Variants in DLGAP2 observed in about 807,000 individuals in gnomAD.
The protein encoded by DLGAP2 is DLG associated protein 2, also known as disks large-associated protein 2.
In DLGAP2, 26 loss-of-function variants were observed where a neutral mutation model predicts 100.3. That is an observed-to-expected ratio of 0.26 (90% CI 0.19 to 0.36). The LOEUF (loss-of-function observed/expected upper bound fraction) is 0.36. DLGAP2 is among the 10% of genes least tolerant of loss of function. The pLI is 1.00. For synonymous variants in DLGAP2, 886 were observed against 630.1 expected (o/e 1.41, Z -6.08); for missense variants, 1,858 against 1,453.2 (o/e 1.28, Z -4.53).
At chr8:1,023,857 A>ATGTGTGTGTGTGTGTGTG (rs149206104) in intron 2 of DLGAP2, among the ~76,000 whole-genome samples, 5,112 of 128,786 alleles carry the variant, frequency 0.04, 235 homozygotes, top group Admixed American at 0.057. Context: ...AACTTTATAT[A>ATGTGTGTGTGTGTGTGTG]TGTGTGTGTG....
intron 4 of DLGAP2, among the ~76,000 whole-genome samples, chr8:1,534,142 T>C (rs960232332): frequency 1.3e-5 from 2 of 152,110 alleles, no homozygotes; most frequent in Non-Finnish European, 2.9e-5. Flanking sequence ...GTATAAAAGG[T>C]AAAAGAGAAA....
At chr8:1,462,193 A>G (rs1187206923) in intron 3 of DLGAP2, among the ~76,000 whole-genome samples, 430 of 25,426 alleles carry the variant, frequency 0.017, no homozygotes, top group East Asian at 0.034. Flanking sequence ...GGGTGCAGTC[A>G]CTGATTTGGT....
intron 3 of DLGAP2, among the ~76,000 whole-genome samples, chr8:1,355,474 C>A (rs141388648): frequency 2.6e-5 from 4 of 152,036 alleles, no homozygotes; most frequent in Non-Finnish European, 5.9e-5. Flanking sequence ...AAGCGATTCT[C>A]CTGCCTCAAC....
At chr8:993,926 G>T (rs548816610) in intron 2 of DLGAP2, among the ~76,000 whole-genome samples, 1 of 151,524 alleles carries the variant, frequency 6.6e-6, no homozygotes. Context: ...AGCAGATCCC[G>T]GCTGGTAATT....
chr8:1,643,455 G>C (rs398102350), intron 8 of DLGAP2, among the ~76,000 whole-genome samples: 17 of 15,584 alleles, frequency 1.1e-3, no homozygotes, highest in African/African-American at 3.8e-3. Flanking sequence ...GTGTCACCCT[G>C]GAACCCGCCG....
intron 2 of DLGAP2, among the ~76,000 whole-genome samples, chr8:1,101,789 C>T (rs868634080): frequency 0.013 from 325 of 24,370 alleles, no homozygotes; most frequent in Non-Finnish European, 0.021. Flanking sequence ...GGAAGGTCCT[C>T]GTCACCCCTG....
intron 7 of DLGAP2, among the ~76,000 whole-genome samples, chr8:1,628,644 G>C (rs111834511): frequency 1.5e-4 from 18 of 123,342 alleles, no homozygotes; most frequent in African/African-American, 4.5e-4. Context: ...CTCACATTCT[G>C]TCTGACTTAC....
At chr8:777,224 T>C (rs1460535231) in intron 1 of DLGAP2, among the ~76,000 whole-genome samples, 5 of 151,436 alleles carry the variant, frequency 3.3e-5, no homozygotes, top group African/African-American at 1.2e-4. Flanking sequence ...TCCATCCTTT[T>C]ATTTTGAGCC....
chr8:1,574,359 G>A (rs766469288), intron 6 of DLGAP2, among the ~76,000 whole-genome samples: 2 of 152,040 alleles, frequency 1.3e-5, no homozygotes, highest in Non-Finnish European at 2.9e-5. Flanking sequence ...AGCCCTCGCC[G>A]CTCTGGTAAC....
At chr8:1,371,840 C>G (rs912844654) in intron 3 of DLGAP2, among the ~76,000 whole-genome samples, 1 of 152,168 alleles carries the variant, frequency 6.6e-6, no homozygotes, top group Non-Finnish European at 1.5e-5. Context: ...CTTGACTATT[C>G]TGCATTTCAG....
intron 1 of DLGAP2, among the ~76,000 whole-genome samples, chr8:815,336 C>G (rs762443880): frequency 2.0e-5 from 3 of 152,132 alleles, no homozygotes; most frequent in African/African-American, 7.2e-5. Context: ...TTCCCTCAAG[C>G]CTTTTTAGGA....
intron 1 of DLGAP2, among the ~76,000 whole-genome samples, chr8:740,870 G>A (rs1387501570): frequency 6.6e-6 from 1 of 152,096 alleles, no homozygotes; most frequent in Non-Finnish European, 1.5e-5. Flanking sequence ...TGACCCTCAG[G>A]ATGGATGCTC....
At chr8:1,123,178 C>A (rs530095147) in intron 2 of DLGAP2, among the ~76,000 whole-genome samples, 2 of 152,250 alleles carry the variant, frequency 1.3e-5, no homozygotes, top group South Asian at 4.1e-4. Flanking sequence ...AATTATGAAC[C>A]AAAAGGCTTC....
intron 2 of DLGAP2, among the ~76,000 whole-genome samples, chr8:1,171,942 A>T (rs1162899428): frequency 6.6e-6 from 1 of 151,852 alleles, no homozygotes; most frequent in African/African-American, 2.4e-5. Context: ...TTAGCTGTTT[A>T]TTTTGCTCGT....
At chr8:1,119,735 G>A (rs1329313800) in intron 2 of DLGAP2, among the ~76,000 whole-genome samples, 1 of 152,188 alleles carries the variant, frequency 6.6e-6, no homozygotes, top group African/African-American at 2.4e-5. Flanking sequence ...ATATCCAATG[G>A]GGAATTTCAC....
chr8:1,245,357 C>T (rs745681817), intron 2 of DLGAP2, among the ~76,000 whole-genome samples: 9 of 152,224 alleles, frequency 5.9e-5, no homozygotes, highest in South Asian at 4.2e-4. Context: ...TATCCGGAAA[C>T]GGAGGGGTGG....
At chr8:1,359,395 G>A (rs1439320690) in intron 3 of DLGAP2, among the ~76,000 whole-genome samples, 2 of 152,264 alleles carry the variant, frequency 1.3e-5, no homozygotes, top group African/African-American at 4.8e-5. Context: ...CTGGGCTTCA[G>A]AGGAGGACAG....
chr8:877,487 A>C (rs1272205873), intron 1 of DLGAP2, among the ~76,000 whole-genome samples: 2 of 152,190 alleles, frequency 1.3e-5, no homozygotes. Flanking sequence ...TCTGTCCCTG[A>C]CCCAGGCAGC....
intron 6 of DLGAP2, among the ~76,000 whole-genome samples, chr8:1,572,174 T>C (rs1408458402): frequency 4.1e-3 from 160 of 38,980 alleles, no homozygotes; most frequent in African/African-American, 4.4e-3. Context: ...ACTGTGGGGG[T>C]GTCTGATGAG....
Sources: allele counts gnomAD v4.1 joint callset (sites outside exome capture counted in the v4.1 genomes callset), GRCh38; gene constraint gnomAD v4.1.1; transcripts MANE v1.5; gene names NCBI Gene and HGNC (gene_info 2026-07-23, HGNC 2026-07-21).